RRAGB: variants seen among roughly 807,000 people sequenced by gnomAD.
RRAGB encodes ras-related GTP-binding protein B.
RRAGB carries 6 observed loss-of-function variants against 29.3 expected under a neutral mutation model. That is an observed-to-expected ratio of 0.21 (90% CI 0.11 to 0.40). The LOEUF (loss-of-function observed/expected upper bound fraction) is 0.40, where lower values mean the gene tolerates loss of function less well. Among genes scored for constraint, RRAGB ranks in the 10% least tolerant of loss-of-function variants. The pLI, the probability that RRAGB is intolerant of heterozygous loss-of-function variation, is 1.00. For missense variants in RRAGB, 184 were observed against 272.9 expected (o/e 0.67, Z 2.29); for synonymous variants, 101 against 92.5 (o/e 1.09, Z -0.53).
chrX:55,742,225 A>G (rs1169487680), intron 5 of RRAGB, among the ~76,000 whole-genome samples: 2 of 112,603 alleles, frequency 1.8e-5, no homozygotes, highest in African/African-American at 6.5e-5. Context: ...ACTCATGACA[A>G]TTGCAATTCT....
intron 5 of RRAGB, among the ~76,000 whole-genome samples, chrX:55,740,808 T>C (rs181092868): frequency 5.4e-5 from 6 of 111,452 alleles, no homozygotes; most frequent in African/African-American, 2.0e-4. Context: ...TTCAGAAAGC[T>C]GTAGTGGATC....
chrX:55,733,863 T>G (rs1410355729), intron 5 of RRAGB, among the ~76,000 whole-genome samples: 1 of 111,988 alleles, frequency 8.9e-6, no homozygotes. Context: ...TGGGACAGTT[T>G]CAGTTGGATT....
rs758820004 is a variant in RRAGB at position 55,747,558 on chromosome X, C to G, written c.517-3543C>G. Reference sequence around the variant, plus strand: ...TTCAGCACAATTAGGATCAGCCAGCCAATCTCATATTTGTTATTTTGACAA... The same window carrying G: ...TTCAGCACAATTAGGATCAGCCAGCGAATCTCATATTTGTTATTTTGACAA... On this transcript the variant is annotated intron_variant, in intron 5 of 9. Transcript: ENST00000374941. Among the ~76,000 whole-genome samples, 7 of 111,891 alleles carry G rather than the reference C, an allele frequency of 6.3e-5. No individual in the cohort carries two copies. The South Asian group carries it at 2.2e-3, about 36-fold the overall frequency.
intron 4 of RRAGB, 79 bp downstream of exon 4, chrX:55,729,439 C>T (rs1046337355): frequency 1.8e-6 from 1 of 558,239 alleles, no homozygotes; most frequent in African/African-American, 2.3e-5. Flanking sequence ...GGCGAATACA[C>T]CTAGAGTAAC....
chrX:55,757,449 C>T, intron 9 of RRAGB, 118 bp downstream of exon 9: 2 of 353,615 alleles, frequency 5.7e-6, no homozygotes, highest in Non-Finnish European at 5.1e-6. Flanking sequence ...GGTTACATAA[C>T]AATGTGAGGG....
chrX:55,720,853 G>A (rs765930155), intron 2 of RRAGB, among the ~76,000 whole-genome samples: 1 of 110,777 alleles, frequency 9.0e-6, no homozygotes, highest in Admixed American at 9.5e-5. Context: ...CCTCCAGCCT[G>A]GATGATAGAG....
At chrX:55,739,678 C>T (rs773816408) in intron 5 of RRAGB, among the ~76,000 whole-genome samples, 9 of 111,337 alleles carry the variant, frequency 8.1e-5, no homozygotes, top group African/African-American at 2.9e-4. Context: ...TTCAAAGTGT[C>T]TGAAGCTTCT....
intron 2 of RRAGB, among the ~76,000 whole-genome samples, 178 bp from the exon 3 acceptor site, chrX:55,722,008 T>C (rs181322840): frequency 1.8e-5 from 2 of 112,840 alleles, no homozygotes; most frequent in East Asian, 2.8e-4. Context: ...GAATTCTAAG[T>C]ATCTCTGCAT....
At chrX:55,729,394 G>A (rs767870303) in intron 4 of RRAGB, 34 bp downstream of exon 4, 8 of 977,052 alleles carry the variant, frequency 8.2e-6, no homozygotes, top group Non-Finnish European at 1.0e-5. Context: ...TTGTGAAGCC[G>A]ATGTCAGTAA....
chrX:55,738,731 G>T (rs1369236460), intron 5 of RRAGB, among the ~76,000 whole-genome samples: 1 of 112,092 alleles, frequency 8.9e-6, no homozygotes, highest in Non-Finnish European at 1.9e-5. Context: ...AGCCAGTTGT[G>T]ATGGTGGCCA....
chrX:55,752,390 GC>G (rs1293507152), intron 6 of RRAGB: 1 of 750,882 alleles, frequency 1.3e-6, no homozygotes, highest in East Asian at 1.5e-4. Flanking sequence ...TAGCTTTGGT[GC>G]CTTCTCCAAG....
At chrX:55,734,542 ATTTAG>A (rs1393811057) in intron 5 of RRAGB, among the ~76,000 whole-genome samples, 4 of 110,744 alleles carry the variant, frequency 3.6e-5, no homozygotes. Context: ...TGGTTTATTA[ATTTAG>A]TTTATCTTTT....
At chrX:55,734,280 T>TTA (rs2033794694) in intron 5 of RRAGB, among the ~76,000 whole-genome samples, 1 of 109,309 alleles carries the variant, frequency 9.1e-6, no homozygotes, top group African/African-American at 3.3e-5. Context: ...TTTTTTTTTT[T>TTA]ATTACTGATT....
At chrX:55,756,731 G>A (rs940063580) in intron 8 of RRAGB, among the ~76,000 whole-genome samples, 1 of 112,372 alleles carries the variant, frequency 8.9e-6, no homozygotes, top group Non-Finnish European at 1.9e-5. Context: ...TATTGAAGAA[G>A]TCTTCTGAAA....
intron 3 of RRAGB, among the ~76,000 whole-genome samples, chrX:55,723,447 C>CT (rs75512271): frequency 0.012 from 1,216 of 99,547 alleles, 9 homozygotes; most frequent in African/African-American, 0.036. Flanking sequence ...TGGCCTATTT[C>CT]TTTTTTTTTT....
At chrX:55,747,486 T>G (rs1166559851) in intron 5 of RRAGB, among the ~76,000 whole-genome samples, 1 of 112,112 alleles carries the variant, frequency 8.9e-6, no homozygotes, top group African/African-American at 3.2e-5. Flanking sequence ...TTATAAAGTA[T>G]TTATACTGAT....
At position 55,730,454 on chromosome X, in the gene RRAGB, C is replaced by T. The variant is rs189499451; in HGVS notation, c.294-910C>T. 3.4e-3 allele frequency among the ~76,000 whole-genome samples: 381 copies of T among 111,947 alleles called. 3 individuals are homozygous for T. The highest frequency in any genetic ancestry group is 0.012 in the African/African-American group (368 of 30,820). On this transcript the variant is annotated intron_variant, in intron 4 of 9. Coordinates refer to ENST00000374941, the MANE Select transcript of RRAGB (RefSeq NM_006064.5). ...ACTGAGGTCCAGGGAGATTATCATT[C>T]TGCTGAGTTCACACAGCTAATTAAT...
intron 5 of RRAGB, among the ~76,000 whole-genome samples, chrX:55,740,537 G>T (rs1350177116): frequency 8.9e-6 from 1 of 111,903 alleles, no homozygotes; most frequent in Non-Finnish European, 1.9e-5. Flanking sequence ...GGCTGTGGAA[G>T]TGTTTTCCCT....
intron 2 of RRAGB, among the ~76,000 whole-genome samples, chrX:55,720,006 C>G (rs1478305365): frequency 8.9e-6 from 1 of 112,319 alleles, no homozygotes; most frequent in Non-Finnish European, 1.9e-5. Flanking sequence ...GCCTGTAGAA[C>G]ACTTAGATCA....
Sources: allele counts gnomAD v4.1 joint callset (sites outside exome capture counted in the v4.1 genomes callset), GRCh38; gene constraint gnomAD v4.1.1; transcripts MANE v1.5; gene names NCBI Gene and HGNC (gene_info 2026-07-23, HGNC 2026-07-21).